ARAP2: variants seen among roughly 807,000 people sequenced by gnomAD.
ARAP2 encodes the protein ArfGAP with RhoGAP domain, ankyrin repeat and PH domain 2.
ARAP2 carries 148 observed loss-of-function variants against 194.5 expected under a neutral mutation model. The ratio of observed to expected loss-of-function variants is 0.76; its 90% confidence interval spans 0.67 to 0.87. ARAP2 has a LOEUF of 0.87. Among genes scored for constraint, ARAP2 ranks in the 40% least tolerant of loss-of-function variants. ARAP2 has a pLI of 0.00. For missense variants in ARAP2, 2,128 were observed against 1,989.7 expected (o/e 1.07, Z -1.32); for synonymous variants, 695 against 683.5 (o/e 1.02, Z -0.26).
At chr4:36,136,820 C>CAT (rs1726883020) in intron 19 of ARAP2, among the ~76,000 whole-genome samples, 1 of 44,496 alleles carries the variant, frequency 2.2e-5, no homozygotes, top group Admixed American at 2.3e-4. Context: ...TGTGTGTGTG[C>CAT]GTGTCTGTGT....
intron 28 of ARAP2, 88 bp from the exon 29 acceptor site, chr4:36,083,538 GT>G: frequency 1.1e-6 from 1 of 921,040 alleles, no homozygotes. Context: ...GTTTAGAATT[GT>G]TTAGTTTCTC....
intron 26 of ARAP2, among the ~76,000 whole-genome samples, chr4:36,109,385 A>G (rs73806458): frequency 0.023 from 3,562 of 152,014 alleles, 144 homozygotes; most frequent in African/African-American, 0.081. Context: ...ATAGTATTGA[A>G]TATATAATAA....
At chr4:36,184,542 A>G (rs1740062983) in intron 8 of ARAP2, among the ~76,000 whole-genome samples, 1 of 152,232 alleles carries the variant, frequency 6.6e-6, no homozygotes, top group South Asian at 2.1e-4. Flanking sequence ...TATACACCAC[A>G]GAAGGATTTA....
Position 36,159,522 on chromosome 4 carries a change from A to G in ARAP2, c.2443-17T>C. On this transcript the variant is annotated splice_polypyrimidine_tract_variant and intron_variant, in intron 13 of 32. Transcript: ENST00000303965. Reference sequence around the variant, plus strand: ...ACATAGAGCCTGGTCATTAAAAGAAAATATACATCTTAAGGAAAGAAAATA... The same window carrying G: ...ACATAGAGCCTGGTCATTAAAAGAAGATATACATCTTAAGGAAAGAAAATA... The G allele has an allele frequency of 6.7e-7, 1 of 1,492,684 alleles. No homozygotes were observed. The allele number at this position is 1,492,684 out of a possible 1,614,324, so 92.5% of individuals were successfully genotyped here. A position where few individuals can be genotyped will look rare whatever the true frequency, so the allele number is the denominator to read the frequency against.
chr4:36,008,154 A>T (rs1490338077), intron 9 of ARAP2, among the ~76,000 whole-genome samples: 1 of 152,306 alleles, frequency 6.6e-6, no homozygotes, highest in East Asian at 1.9e-4. Context: ...ATTTCTATCA[A>T]ATTACTAATG....
intron 8 of ARAP2, among the ~76,000 whole-genome samples, chr4:36,180,286 CA>C (rs543206838): frequency 7.7e-5 from 11 of 143,320 alleles, no homozygotes; most frequent in South Asian, 2.2e-4. Context: ...GCTCCCCCGC[CA>C]AAAAAAAAAG....
chr4:36,214,484 A>G lies in ARAP2; in HGVS notation c.906-4T>C, dbSNP rs775051971. On this transcript the variant is annotated splice_region_variant and splice_polypyrimidine_tract_variant and intron_variant, in intron 2 of 32. Coordinates refer to ENST00000303965, the MANE Select transcript of ARAP2 (RefSeq NM_015230.4). ...ATTTCTTCTTTCACGGAAATAGCTT[A>G]AAAAGCAAAGGAGAAAATACTTATG... 6.3e-6 allele frequency: 10 copies of G among 1,592,970 alleles called. No homozygotes were observed. The highest frequency in any genetic ancestry group is 1.7e-5 in the Admixed American group (1 of 58,980).
Position 36,229,354 on chromosome 4 carries a change from G to C in ARAP2, c.133C>G (p.Leu45Val). Residue 45 changes from leucine (L) to valine (V), a missense_variant, in exon 2 of 33, where the codon CTG (leucine) becomes GTG (valine). Physicochemically the swap from Leu to Val is conservative, Grantham distance 32. Coordinates refer to ENST00000303965, the MANE Select transcript of ARAP2 (RefSeq NM_015230.4). ...VKDCAAINDS[L>V]LQKIGISPTG... ...GGTGATATTCCAATTTTCTGCAGCA[G>C]GCTGTCATTTATTGCTGCACAGTCC... 1.2e-6 allele frequency: 2 copies of C among 1,614,022 alleles called. No individual in the cohort carries two copies. Among genetic ancestry groups the C allele is most frequent in the Non-Finnish European group, 8.5e-7 (1 of 1,179,970 alleles).
chr4:36,153,524 T>C (rs901508263), intron 15 of ARAP2, among the ~76,000 whole-genome samples: 9 of 152,178 alleles, frequency 5.9e-5, no homozygotes, highest in Non-Finnish European at 1.3e-4. Context: ...CAGGAACTTA[T>C]ATGTAAGATG....
intron 27 of ARAP2, among the ~76,000 whole-genome samples, chr4:36,101,989 C>CTTTG (rs534586701): frequency 1.3e-5 from 2 of 151,696 alleles, no homozygotes; most frequent in South Asian, 2.1e-4. Context: ...GCATTGCTCT[C>CTTTG]TTTCTTGAAA....
At chr4:36,235,698 C>T (rs1327425736) in intron 1 of ARAP2, among the ~76,000 whole-genome samples, 3 of 152,168 alleles carry the variant, frequency 2.0e-5, no homozygotes, top group African/African-American at 7.2e-5. Flanking sequence ...GTGGAAGGTG[C>T]ACATTGTTTT....
chr4:36,205,561 G>A (rs1745362930), intron 6 of ARAP2, among the ~76,000 whole-genome samples: 2 of 150,944 alleles, frequency 1.3e-5, no homozygotes, highest in South Asian at 2.1e-4. Flanking sequence ...AGGACTCACA[G>A]TAACATTATT....
At chr4:36,065,983 A>G (rs1725355925), downstream of ARAP2, 1 of 152,254 alleles carries the variant, frequency 6.6e-6, no homozygotes, top group African/African-American at 2.4e-5. Context: ...AACTTCTGAA[A>G]ATAATAAAGT....
intron 19 of ARAP2, among the ~76,000 whole-genome samples, chr4:36,136,623 G>T (rs1726781793): frequency 6.6e-6 from 1 of 151,666 alleles, no homozygotes; most frequent in Non-Finnish European, 1.5e-5. Context: ...AAAAGCAAAT[G>T]AAATACTCTA....
intron 9 of ARAP2, chr4:36,007,137 A>G (rs890388741): frequency 6.6e-6 from 1 of 152,202 alleles, no homozygotes; most frequent in African/African-American, 2.4e-5. Context: ...AACATGATGG[A>G]ACCATGTCAA....
rs761355261 is a variant in ARAP2, at chr4:36,073,789, T to C, written c.4643A>G (p.Glu1548Gly). 1.9e-6 allele frequency: 3 copies of C among 1,613,120 alleles called. No individual in the cohort carries two copies. In the African/African-American group the frequency reaches 4.0e-5, roughly 22 times the overall value. Reference sequence around the variant, plus strand: ...ATTTTTGGTTATTGAACGTTTTCGTTCCTTTCCAGCTGGTGGCCATATATC... The same window carrying C: ...ATTTTTGGTTATTGAACGTTTTCGTCCCTTTCCAGCTGGTGGCCATATATC... The part of the protein sequence containing the change: ...EYDIWPPAGK[E>G]RKRSITKNPK... Residue 1548 changes from glutamate (E) to glycine (G), a missense_variant, in exon 32 of 33, where the codon GAA (glutamate) becomes GGA (glycine). Glu to Gly is a moderately conservative substitution (Grantham distance 98, BLOSUM62 -2). Transcript: ENST00000303965.
intron 28 of ARAP2, among the ~76,000 whole-genome samples, chr4:36,091,667 A>C (rs1713689908): frequency 6.6e-6 from 1 of 152,164 alleles, no homozygotes; most frequent in Non-Finnish European, 1.5e-5. Flanking sequence ...ACTGCCCCTC[A>C]AAATCTGAGG....
At chr4:36,176,077 T>C (rs772350695) in intron 9 of ARAP2, among the ~76,000 whole-genome samples, 1 of 152,148 alleles carries the variant, frequency 6.6e-6, no homozygotes, top group Non-Finnish European at 1.5e-5. Context: ...AGTTCACAAG[T>C]CAGAAAATTT....
intron 27 of ARAP2, among the ~76,000 whole-genome samples, chr4:36,100,851 A>C (rs1716704428): frequency 6.6e-6 from 1 of 152,020 alleles, no homozygotes; most frequent in Non-Finnish European, 1.5e-5. Context: ...ACACTGTGAC[A>C]CTTCAAGAAA....
Sources: gnomAD v4.1 joint callset for allele counts (sites outside exome capture counted in the v4.1 genomes callset) on GRCh38, gnomAD v4.1.1 for gene constraint, MANE v1.5 for transcripts, NCBI Gene and HGNC (gene_info 2026-07-23, HGNC 2026-07-21) for gene names.